Variants in MOGAT2 observed in about 807,000 individuals in gnomAD.
MOGAT2 encodes the protein 2-acylglycerol O-acyltransferase 2.
In MOGAT2, 27 loss-of-function variants were observed where a neutral mutation model predicts 31.5. The observed-to-expected ratio is 0.86, with a 90% confidence interval of 0.63 to 1.18. MOGAT2 has a LOEUF of 1.18. Among genes scored for constraint, MOGAT2 ranks in the 50% most tolerant of loss-of-function variants. MOGAT2 has a pLI of 0.00. For missense variants in MOGAT2, 436 were observed against 433.2 expected (o/e 1.01, Z -0.06); for synonymous variants, 163 against 170.0 (o/e 0.96, Z 0.32).
At position 75,728,776 on chromosome 11, in the gene MOGAT2, C is replaced by T. The variant is rs888347054; in HGVS notation, c.651-14C>T. ...GGGCCTCCCACATGCCCTCTTTCCT[C>T]TATTTGTCTCCAGGGCACCCCTGGT... is the stretch of plus-strand genomic sequence containing the variant. On this transcript the variant is annotated splice_polypyrimidine_tract_variant and intron_variant, in intron 4 of 5. Transcript: ENST00000198801. The T allele has an allele frequency of 6.2e-7, 1 of 1,612,496 alleles. No individual in the cohort carries two copies.
chr11:75,727,425 G>A lies in MOGAT2; in HGVS notation c.271-10G>A, dbSNP rs200168407. 1.2e-4 allele frequency: 195 copies of A among 1,610,168 alleles called. No homozygotes were observed. The highest frequency in any genetic ancestry group is 2.0e-4 in the East Asian group (9 of 44,758). On this transcript the variant is annotated splice_polypyrimidine_tract_variant and intron_variant, in intron 2 of 5. Transcript: ENST00000198801. ...CCCCGCCCTGGCTCAGCAGGTTGCC[G>A]TCCCTGCAGCTGGTCAAGACTGCTG...
chr11:75,722,667 C>T (rs775022030), intron 2 of MOGAT2, among the ~76,000 whole-genome samples: 13 of 152,344 alleles, frequency 8.5e-5, no homozygotes, highest in Non-Finnish European at 1.5e-4. Context: ...GAGGACATTC[C>T]GCAGGACTGG....
rs1437980023 is a variant in MOGAT2 at position 75,727,475 on chromosome 11, T to C, written c.311T>C (p.Ile104Thr). 13 of 1,614,014 alleles carry C rather than the reference T, an allele frequency of 8.1e-6. No individual in the cohort carries two copies. The highest frequency in any genetic ancestry group is 8.5e-6 in the Non-Finnish European group (10 of 1,180,006). Residue 104 changes from isoleucine to threonine, a missense_variant, in exon 3 of 6, where the codon ATT becomes ACT. Coordinates refer to ENST00000198801, the MANE Select transcript of MOGAT2 (RefSeq NM_025098.4). ...TAELDPSRNY[I>T]AGFHPHGVLA... ...GAGCTGGACCCCTCTCGGAACTACA[T>C]TGCGGGCTTCCACCCCCATGGAGTC...
chr11:75,731,052 G>A, intron 5 of MOGAT2, 80 bp from the exon 6 acceptor site: 1 of 1,333,304 alleles, frequency 7.5e-7, no homozygotes. Context: ...CTTTTCTGCA[G>A]GGATGAACCA....
At chr11:75,722,885 T>A (rs1353659365) in intron 2 of MOGAT2, among the ~76,000 whole-genome samples, 1 of 152,254 alleles carries the variant, frequency 6.6e-6, no homozygotes, top group African/African-American at 2.4e-5. Context: ...TCAACCTTAG[T>A]ACTGTTGACA....
rs1944431800 is a variant in MOGAT2, at chr11:75,727,529, G to A, written c.365G>A (p.Cys122Tyr). 5 of 1,614,184 alleles carry A rather than the reference G, an allele frequency of 3.1e-6. No homozygotes were observed. The highest frequency in any genetic ancestry group is 1.3e-5 in the African/African-American group (1 of 75,036). ...VLAVGAFANL[C>Y]TESTGFSSIF... Reference sequence around the variant, plus strand: ...GCAGTCGGAGCCTTTGCCAACCTGTGCACTGAGAGCACAGGCTTCTCTTCG... The same window carrying A: ...GCAGTCGGAGCCTTTGCCAACCTGTACACTGAGAGCACAGGCTTCTCTTCG... Residue 122 changes from cysteine to tyrosine, a missense_variant, in exon 3 of 6, where the codon TGC (cysteine) becomes TAC (tyrosine). Cys to Tyr is a radical substitution (Grantham distance 194). Coordinates refer to ENST00000198801, the MANE Select transcript of MOGAT2 (RefSeq NM_025098.4).
intron 2 of MOGAT2, among the ~76,000 whole-genome samples, chr11:75,726,761 T>A (rs964209304): frequency 6.7e-6 from 1 of 148,428 alleles, no homozygotes; most frequent in Non-Finnish European, 1.5e-5. Flanking sequence ...TGCAGTGGTG[T>A]GATCTCGGCT....
At position 75,730,111 on chromosome 11, in the gene MOGAT2, G is replaced by C. The variant is rs148920825; in HGVS notation, c.851-1021G>C. Among the ~76,000 whole-genome samples the C allele has an allele frequency of 1.8e-3, 279 of 152,280 alleles. 4 individuals carry two copies. The highest frequency in any genetic ancestry group is 6.0e-4 in the Non-Finnish European group (41 of 68,020). On this transcript the variant is annotated intron_variant, in intron 5 of 5. Transcript: ENST00000198801. Reference sequence around the variant, plus strand: ...CATCCATCCACTTGCTAATTGAGCAGACTTGGTAAACCCCTACATCATGAA... The same window carrying C: ...CATCCATCCACTTGCTAATTGAGCACACTTGGTAAACCCCTACATCATGAA...
chr11:75,728,540 C>T (rs1388440280), intron 4 of MOGAT2: 2 of 580,260 alleles, frequency 3.4e-6, no homozygotes, highest in African/African-American at 3.7e-5. Context: ...TCTGGGAGGA[C>T]TCTCTGAAGC....
chr11:75,728,450 T>G, intron 4 of MOGAT2: 1 of 552,048 alleles, frequency 1.8e-6, no homozygotes, highest in Non-Finnish European at 3.2e-6. Context: ...TCTCCCTCCT[T>G]GGGGTGAAGC....
chr11:75,724,044 A>G (rs1944398873), intron 2 of MOGAT2, among the ~76,000 whole-genome samples: 1 of 152,218 alleles, frequency 6.6e-6, no homozygotes, highest in Admixed American at 6.5e-5. Flanking sequence ...TGTGGGACAG[A>G]AATAATTGAG....
At chr11:75,727,681 T>C in intron 3 of MOGAT2, 42 bp downstream of exon 3, 1 of 1,575,276 alleles carries the variant, frequency 6.3e-7, no homozygotes, top group Non-Finnish European at 8.7e-7. Flanking sequence ...AGGTAACAAA[T>C]TTTCGGAAGG....
At position 75,731,290 on chromosome 11, in the gene MOGAT2, C is replaced by G; in HGVS notation, c.*4C>G. On this transcript the variant is annotated 3_prime_UTR_variant, in exon 6 of 6. Coordinates refer to ENST00000198801, the MANE Select transcript of MOGAT2 (RefSeq NM_025098.4). ...CCAGCACTTGGAGTTCTGCTGAGCC[C>G]AAAGGGCAGGGCCAACATTAGGGAG... 6.2e-7 allele frequency: 1 copy of G among 1,613,626 alleles called. No homozygotes were observed. Among genetic ancestry groups the G allele is most frequent in the Non-Finnish European group, 8.5e-7 (1 of 1,179,756 alleles).
intron 5 of MOGAT2, among the ~76,000 whole-genome samples, chr11:75,730,635 G>T (rs890943703): frequency 2.6e-5 from 4 of 152,304 alleles, no homozygotes; most frequent in East Asian, 3.9e-4. Context: ...CACTGGCTGG[G>T]CGTGGTGGCT....
At position 75,731,981 on chromosome 11, in the gene MOGAT2, A is replaced by C. The variant is rs561434976; in HGVS notation, c.*695A>C. The C allele has an allele frequency of 6.6e-6, 1 of 152,462 alleles. No individual in the cohort carries two copies. The highest frequency in any genetic ancestry group is 1.5e-5 in the Non-Finnish European group (1 of 68,158). 9.4% of individuals were successfully genotyped at this position (152,462 alleles called of 1,614,324 possible). On this transcript the variant is annotated 3_prime_UTR_variant, in exon 6 of 6. Coordinates refer to ENST00000198801, the MANE Select transcript of MOGAT2 (RefSeq NM_025098.4). ...TGATCCCTCATGCACAGCCACAGCGAGCTGTCTAAAACACAAAGCTGACCG... is the reference window on the plus strand; with the variant it reads ...TGATCCCTCATGCACAGCCACAGCGCGCTGTCTAAAACACAAAGCTGACCG...
intron 3 of MOGAT2, 138 bp downstream of exon 3, chr11:75,727,777 T>C (rs1944434712): frequency 1.9e-6 from 2 of 1,041,078 alleles, no homozygotes; most frequent in Admixed American, 2.4e-5. Flanking sequence ...TACAGCACCA[T>C]GCTGGGCGCT....
chr11:75,728,080 C>T lies in MOGAT2; in HGVS notation c.586C>T (p.Pro196Ser), dbSNP rs531991103. Residue 196 changes from proline to serine, a missense_variant, in exon 4 of 6, where the codon CCT (proline) becomes TCT (serine). Transcript: ENST00000198801. ...TGCCCAGGAGGCCCTGGATGCCAGG[C>T]CTGGATCCTTCACGCTGTTACTGCG... ...GGAQEALDAR[P>S]GSFTLLLRNR... The T allele has an allele frequency of 4.3e-6, 7 of 1,614,178 alleles. No individual in the cohort carries two copies. The highest frequency in any genetic ancestry group is 3.3e-5 in the South Asian group (3 of 91,084).
rs1163361726 is a variant in MOGAT2 at position 75,719,898 on chromosome 11, T to C, written c.92-94T>C. On this transcript the variant is annotated intron_variant, in intron 1 of 5. Transcript: ENST00000198801. ...CGAGGATTGGACAGGACAGTGCTGC[T>C]AGTGCCAGGCCTATGGGCAGAGTTC... The C allele has an allele frequency of 3.2e-6, 4 of 1,260,252 alleles. No homozygotes were observed. In the Admixed American group the frequency reaches 5.5e-5, roughly 17 times the overall value. The allele number at this position is 1,260,252 out of a possible 1,614,324, so 78.1% of individuals were successfully genotyped here. A position where few individuals can be genotyped will look rare whatever the true frequency, so the allele number is the denominator to read the frequency against.
Position 75,731,290 on chromosome 11 carries a change from CA to C in MOGAT2, c.*7del. ...CCAGCACTTGGAGTTCTGCTGAGCCCAAAGGGCAGGGCCAACATTAGGGAGC... is the reference window on the plus strand; with the variant it reads ...CCAGCACTTGGAGTTCTGCTGAGCCCAAGGGCAGGGCCAACATTAGGGAGC... On this transcript the variant is annotated 3_prime_UTR_variant, in exon 6 of 6. Transcript: ENST00000198801. 4 of 1,613,626 alleles carry C rather than the reference CA, an allele frequency of 2.5e-6. No individual in the cohort carries two copies. Among genetic ancestry groups the C allele is most frequent in the Admixed American group, 1.7e-5 (1 of 59,988 alleles).
Sources: allele counts gnomAD v4.1 joint callset (sites outside exome capture counted in the v4.1 genomes callset), GRCh38; gene constraint gnomAD v4.1.1; transcripts MANE v1.5; gene names NCBI Gene and HGNC (gene_info 2026-07-23, HGNC 2026-07-21).